Variants in MACROD2 observed in about 807,000 individuals in gnomAD.
MACROD2 encodes the protein mono-ADP ribosylhydrolase 2.
A neutral mutation model predicts 70.4 loss-of-function variants in MACROD2; 36 were observed. The observed-to-expected ratio is 0.51, with a 90% CI of 0.39 to 0.68. The LOEUF (loss-of-function observed/expected upper bound fraction) is 0.68. Ranked by LOEUF, MACROD2 falls within the 30% of genes least tolerant of loss-of-function variation. MACROD2 has a pLI of 0.00. For synonymous variants in MACROD2, 172 were observed against 178.8 expected (o/e 0.96, Z 0.30); for missense variants, 496 against 538.4 (o/e 0.92, Z 0.78).
chr20:15,668,767 C>T (rs1282855596), intron 8 of MACROD2, among the ~76,000 whole-genome samples: 2 of 152,146 alleles, frequency 1.3e-5, no homozygotes, highest in African/African-American at 4.8e-5. Flanking sequence ...GCGTCATTGC[C>T]TAGCTTGCTT....
chr20:15,927,601 G>C (rs1407103825), intron 10 of MACROD2, among the ~76,000 whole-genome samples: 1 of 152,020 alleles, frequency 6.6e-6, no homozygotes, highest in Non-Finnish European at 1.5e-5. Context: ...GTAAAGGCCT[G>C]GTGCAAAGGA....
chr20:14,609,604 A>G (rs1983030818), intron 4 of MACROD2, among the ~76,000 whole-genome samples: 1 of 152,080 alleles, frequency 6.6e-6, no homozygotes, highest in Non-Finnish European at 1.5e-5. Flanking sequence ...TTGCAACCTA[A>G]TTTTTGAAAT....
At chr20:14,216,043 T>TA (rs2081620035) in intron 3 of MACROD2, among the ~76,000 whole-genome samples, 1 of 152,142 alleles carries the variant, frequency 6.6e-6, no homozygotes, top group Non-Finnish European at 1.5e-5. Context: ...TCTTTTTTTT[T>TA]ATTGCATTTG....
At chr20:14,564,114 A>AGTGC (rs1568672802) in intron 4 of MACROD2, among the ~76,000 whole-genome samples, 1 of 151,946 alleles carries the variant, frequency 6.6e-6, no homozygotes, top group Non-Finnish European at 1.5e-5. Flanking sequence ...TTATTCAATA[A>AGTGC]ATGGTGCTGG....
At chr20:14,319,414 A>T (rs1314145932) in intron 3 of MACROD2, among the ~76,000 whole-genome samples, 1 of 151,902 alleles carries the variant, frequency 6.6e-6, no homozygotes, top group Non-Finnish European at 1.5e-5. Context: ...CTATACTCCC[A>T]TCTTCTTCCT....
intron 10 of MACROD2, among the ~76,000 whole-genome samples, chr20:15,909,796 T>A (rs2065208455): frequency 6.6e-6 from 1 of 152,160 alleles, no homozygotes; most frequent in African/African-American, 2.4e-5. Context: ...GTGCTGGGAT[T>A]ATAGGCGTGA....
intron 6 of MACROD2, among the ~76,000 whole-genome samples, chr20:15,355,218 A>G (rs1248537599): frequency 1.3e-5 from 2 of 152,214 alleles, no homozygotes; most frequent in African/African-American, 4.8e-5. Context: ...GTACTTTGCC[A>G]TCTGTACTTG....
At chr20:14,219,716 G>A (rs6110205) in intron 3 of MACROD2, among the ~76,000 whole-genome samples, 2,716 of 152,302 alleles carry the variant, frequency 0.018, 68 homozygotes, top group African/African-American at 0.062. Context: ...TTCCCACAGG[G>A]TGTTCCCTTG....
intron 8 of MACROD2, among the ~76,000 whole-genome samples, chr20:15,673,347 A>C (rs985258307): frequency 5.3e-5 from 8 of 152,292 alleles, no homozygotes; most frequent in Admixed American, 5.2e-4. Flanking sequence ...AATACTTGCC[A>C]ATTATTTTTA....
rs1983923270 is a variant in MACROD2, at chr20:14,623,054, C to T, written c.302-61789C>T. ...CCAGGGGCTAGCTCACATCCAGTGA[C>T]TCAACAACATAGATAGTACAAAGCC... On this transcript the variant is annotated intron_variant, in intron 4 of 17. Coordinates refer to ENST00000684519, the MANE Select transcript of MACROD2 (RefSeq NM_001351661.2). 8 of 152,244 alleles carry T rather than the reference C, an allele frequency of 5.3e-5. No individual in the cohort carries two copies. In the South Asian group the frequency reaches 1.7e-3, roughly 31 times the overall value. 9.4% of individuals were successfully genotyped at this position (152,244 alleles called of 1,614,324 possible).
rs185877670 is a variant in MACROD2, at chr20:14,046,058, C to G, written c.164-39563C>G. ...CAGAAAAGGATAATGAAAAGACTCA[C>G]AGTTGGTGTCCAAAGAAAGAATGAG... On this transcript the variant is annotated intron_variant, in intron 2 of 17. Transcript: ENST00000684519. 6.9e-4 allele frequency among the ~76,000 whole-genome samples: 105 copies of G among 152,256 alleles called. 1 individual carries two copies. Among genetic ancestry groups the G allele is most frequent in the Non-Finnish European group, 1.6e-4 (11 of 68,002 alleles).
chr20:15,502,483 A>T (rs62193938), intron 8 of MACROD2, among the ~76,000 whole-genome samples: 5,496 of 152,266 alleles, frequency 0.036, 108 homozygotes, highest in Non-Finnish European at 0.042. Flanking sequence ...TCTAGTGGGT[A>T]GTTGTTGAAG....
At chr20:15,191,615 A>T (rs1311313099) in intron 5 of MACROD2, among the ~76,000 whole-genome samples, 1 of 152,244 alleles carries the variant, frequency 6.6e-6, no homozygotes, top group Non-Finnish European at 1.5e-5. Context: ...AAGTCACCTT[A>T]AACGACAAAT....
At chr20:15,085,444 A>T (rs2075739724) in intron 5 of MACROD2, among the ~76,000 whole-genome samples, 2 of 152,148 alleles carry the variant, frequency 1.3e-5, no homozygotes, top group Admixed American at 1.3e-4. Flanking sequence ...ACACAAGAAA[A>T]TGAAGAGCTG....
intron 8 of MACROD2, among the ~76,000 whole-genome samples, chr20:15,601,371 G>T (rs1286759397): frequency 6.6e-6 from 1 of 151,954 alleles, no homozygotes. Flanking sequence ...AAATGTGTGC[G>T]CCCATTCACC....
chr20:14,206,098 G>A (rs1289384247), intron 3 of MACROD2, among the ~76,000 whole-genome samples: 1 of 152,168 alleles, frequency 6.6e-6, no homozygotes, highest in Non-Finnish European at 1.5e-5. Context: ...AGCAATGTCG[G>A]GGGGTGGGAG....
intron 5 of MACROD2, among the ~76,000 whole-genome samples, chr20:14,722,272 G>T (rs1384673480): frequency 6.6e-6 from 1 of 152,128 alleles, no homozygotes; most frequent in Non-Finnish European, 1.5e-5. Flanking sequence ...TCATCAGAGT[G>T]GGGAAATATA....
At chr20:14,990,883 G>T (rs1414766624) in intron 5 of MACROD2, among the ~76,000 whole-genome samples, 2 of 152,134 alleles carry the variant, frequency 1.3e-5, no homozygotes, top group Non-Finnish European at 1.5e-5. Context: ...GTAGCCTTGG[G>T]CTGGGGGAAG....
intron 3 of MACROD2, among the ~76,000 whole-genome samples, chr20:14,268,684 A>G (rs2082165358): frequency 1.3e-5 from 2 of 152,188 alleles, no homozygotes; most frequent in South Asian, 2.1e-4. Flanking sequence ...TCACTTTCCA[A>G]AAGTATCTGT....
Sources: gnomAD v4.1 joint callset for allele counts (sites outside exome capture counted in the v4.1 genomes callset) on GRCh38, gnomAD v4.1.1 for gene constraint, MANE v1.5 for transcripts, NCBI Gene and HGNC (gene_info 2026-07-23, HGNC 2026-07-21) for gene names.